The following ZNF438 variants were observed in gnomAD, a reference collection of about 807,000 sequenced individuals.
ZNF438 encodes the protein zinc finger protein 438.
A neutral mutation model predicts 38.0 loss-of-function variants in ZNF438; 25 were observed. The ratio of observed to expected loss-of-function variants is 0.66; its 90% CI spans 0.48 to 0.92. The LOEUF (loss-of-function observed/expected upper bound fraction) is 0.92. Ranked by LOEUF, ZNF438 falls within the 40% of genes least tolerant of loss-of-function variation. The pLI is 0.00. For synonymous variants in ZNF438, 372 were observed against 364.1 expected (o/e 1.02, Z -0.25); for missense variants, 1,007 against 999.6 (o/e 1.01, Z -0.10).
chr10:30,868,974 T>C (rs190663458), intron 4 of ZNF438, among the ~76,000 whole-genome samples: 2 of 152,352 alleles, frequency 1.3e-5, no homozygotes, highest in East Asian at 3.9e-4. Context: ...ATTTACATGG[T>C]TAATTGGAAT....
Position 30,845,057 on chromosome 10 carries a change from G to A in ZNF438, c.2391C>T (p.His797=), listed in dbSNP as rs749952659. ...TGGAAGGGTCCTCACAGTTATGCTG[G>A]TGCTTCCAGTGGTGGAGGAGGTCCT... Residue 797 remains histidine, a synonymous_variant, in exon 6 of 6, where the codon CAC becomes CAT. Transcript: ENST00000413025. The A allele has an allele frequency of 6.2e-6, 10 of 1,614,050 alleles. No homozygotes were observed. In the South Asian group the frequency reaches 1.1e-4, roughly 18 times the overall value.
chr10:30,932,072 A>G (rs2135313843), intron 2 of ZNF438, among the ~76,000 whole-genome samples: 1 of 152,274 alleles, frequency 6.6e-6, no homozygotes, highest in African/African-American at 2.4e-5. Flanking sequence ...CCTACAGGCC[A>G]TTGTGCTCAG....
chr10:30,853,223 C>T (rs780733599), intron 4 of ZNF438, among the ~76,000 whole-genome samples: 3 of 152,084 alleles, frequency 2.0e-5, no homozygotes, highest in Non-Finnish European at 2.9e-5. Flanking sequence ...AAATATTTAC[C>T]GCAAGATGAG....
At chr10:30,871,466 A>G (rs2037398116) in intron 4 of ZNF438, among the ~76,000 whole-genome samples, 1 of 152,226 alleles carries the variant, frequency 6.6e-6, no homozygotes, top group South Asian at 2.1e-4. Context: ...AAATCCTACT[A>G]AAGATAGAAA....
intron 2 of ZNF438, among the ~76,000 whole-genome samples, chr10:30,912,100 C>T (rs2043139355): frequency 6.6e-6 from 1 of 152,086 alleles, no homozygotes; most frequent in Non-Finnish European, 1.5e-5. Flanking sequence ...CATTTGGCCC[C>T]ACATCTCCCT....
rs140421869 is a variant in ZNF438, at chr10:30,886,188, A to C, written c.-31-9123T>G. 7.2e-5 allele frequency among the ~76,000 whole-genome samples: 11 copies of C among 152,344 alleles called. No homozygotes were observed. In the East Asian group the frequency reaches 1.9e-3, roughly 27 times the overall value. On this transcript the variant is annotated intron_variant, in intron 3 of 5. Coordinates refer to ENST00000413025, the Ensembl canonical transcript of ZNF438. ...GAATATGGCAGGAAAGAACTCCAAAATGTTGTATAAACTCAGACACCATAT... is the reference window on the plus strand; with the variant it reads ...GAATATGGCAGGAAAGAACTCCAAACTGTTGTATAAACTCAGACACCATAT...
chr10:30,848,608 C>A, exon 5 of ZNF438: 3 of 1,614,128 alleles, frequency 1.9e-6, no homozygotes, highest in African/African-American at 1.3e-5. Context: ...GTTCACTGGG[C>A]GCAGGCTCAG....
intron 1 of ZNF438, among the ~76,000 whole-genome samples, chr10:31,000,789 C>A (rs993575268): frequency 2.0e-5 from 3 of 150,508 alleles, no homozygotes; most frequent in African/African-American, 4.9e-5. Context: ...AAAAAAAAAA[C>A]TTTTCTTGTG....
intron 4 of ZNF438, among the ~76,000 whole-genome samples, chr10:30,852,498 G>T (rs1046604972): frequency 1.3e-5 from 2 of 152,132 alleles, no homozygotes; most frequent in African/African-American, 2.4e-5. Flanking sequence ...ATGAGCCACC[G>T]CGCCCGGCCC....
chr10:30,929,131 G>A (rs1039143606), intron 2 of ZNF438, among the ~76,000 whole-genome samples: 11 of 152,190 alleles, frequency 7.2e-5, no homozygotes, highest in Non-Finnish European at 1.2e-4. Flanking sequence ...AGTGGCTTAT[G>A]CCTGCAATCC....
intron 3 of ZNF438, among the ~76,000 whole-genome samples, chr10:30,894,694 C>T (rs958180175): frequency 6.6e-6 from 1 of 152,034 alleles, no homozygotes; most frequent in Non-Finnish European, 1.5e-5. Context: ...ACAATGGCAA[C>T]ATTATTATAC....
At chr10:31,001,114 C>T (rs1399668449) in intron 1 of ZNF438, among the ~76,000 whole-genome samples, 3 of 152,146 alleles carry the variant, frequency 2.0e-5, no homozygotes, top group African/African-American at 7.2e-5. Flanking sequence ...ACTCATCTTG[C>T]TGTATGAAAG....
intron 1 of ZNF438, among the ~76,000 whole-genome samples, chr10:30,948,306 A>C (rs1038398582): frequency 8.5e-5 from 13 of 152,190 alleles, no homozygotes; most frequent in Non-Finnish European, 1.5e-4. Flanking sequence ...GGGAAAAAAC[A>C]GAACAGAAAA....
intron 1 of ZNF438, among the ~76,000 whole-genome samples, chr10:31,027,721 G>A (rs1225118323): frequency 6.6e-6 from 1 of 152,118 alleles, no homozygotes. Context: ...GAAGCTACAA[G>A]AGCAGATTTA....
chr10:31,016,923 C>G (rs2056238293), intron 1 of ZNF438, among the ~76,000 whole-genome samples: 1 of 152,188 alleles, frequency 6.6e-6, no homozygotes, highest in African/African-American at 2.4e-5. Flanking sequence ...GAAGTCTCAT[C>G]CAGTTACTGG....
At chr10:30,946,218 T>C (rs1589340547) in intron 1 of ZNF438, among the ~76,000 whole-genome samples, 2 of 152,204 alleles carry the variant, frequency 1.3e-5, no homozygotes, top group South Asian at 4.1e-4. Context: ...GACTTAAACA[T>C]TAGACCTAAA....
At chr10:30,894,011 A>C in intron 3 of ZNF438, among the ~76,000 whole-genome samples, 1 of 152,220 alleles carries the variant, frequency 6.6e-6, no homozygotes, top group Non-Finnish European at 1.5e-5. Context: ...GTACTGTTGC[A>C]CACAGCAAAA....
At chr10:30,848,199 A>G (rs568312479) in intron 5 of ZNF438, among the ~76,000 whole-genome samples, 2 of 152,206 alleles carry the variant, frequency 1.3e-5, no homozygotes, top group Admixed American at 6.5e-5. Flanking sequence ...TGAGTCCCCA[A>G]CCATGGGTCA....
At chr10:30,908,147 G>T in intron 3 of ZNF438, among the ~76,000 whole-genome samples, 1 of 152,014 alleles carries the variant, frequency 6.6e-6, no homozygotes, top group Admixed American at 6.5e-5. Flanking sequence ...CAAATTAGGA[G>T]TATATCATTT....
Sources: gnomAD v4.1 joint callset for allele counts (sites outside exome capture counted in the v4.1 genomes callset) on GRCh38, gnomAD v4.1.1 for gene constraint, MANE v1.5 for transcripts, NCBI Gene and HGNC (gene_info 2026-07-23, HGNC 2026-07-21) for gene names.